Variants in CUX1 observed in about 807,000 individuals in gnomAD.
The protein encoded by CUX1 is protein CASP.
In CUX1, 31 loss-of-function variants were observed where a neutral mutation model predicts 158.8. That is an observed-to-expected ratio of 0.20 (90% CI 0.15 to 0.26). CUX1 has a LOEUF of 0.26. Ranked by LOEUF, CUX1 falls within the 10% of genes least tolerant of loss-of-function variation. The pLI is 1.00. For synonymous variants in CUX1, 879 were observed against 862.1 expected (o/e 1.02, Z -0.34); for missense variants, 1,589 against 2,014.6 (o/e 0.79, Z 4.04).
In CUX1 at chr7:102,256,277, C is replaced by T. The variant is rs1039714592; in HGVS notation, c.*7235C>T. Reference sequence around the variant, plus strand: ...GGACTGACTGCTACTGACCTGCCGGCGTGCGTGAGGGTGATTATAAAAGGA... The same window carrying T: ...GGACTGACTGCTACTGACCTGCCGGTGTGCGTGAGGGTGATTATAAAAGGA... On this transcript the variant is annotated 3_prime_UTR_variant, in exon 24 of 24. Transcript: ENST00000292535. The T allele has an allele frequency of 5.1e-6, 5 of 985,158 alleles. No homozygotes were observed. The highest frequency in any genetic ancestry group is 1.1e-4 in the East Asian group (1 of 8,822). 61.0% of individuals were successfully genotyped at this position (985,158 alleles called of 1,614,324 possible).
At chr7:102,133,780 A>G (rs1455235677) in intron 8 of CUX1, among the ~76,000 whole-genome samples, 2 of 150,710 alleles carry the variant, frequency 1.3e-5, no homozygotes, top group Non-Finnish European at 3.0e-5. Flanking sequence ...CGGCCTAGAA[A>G]ATACATCTTT....
rs1421452381 is a variant in CUX1, at chr7:102,255,048, G to A, written c.*6006G>A. On this transcript the variant is annotated 3_prime_UTR_variant, in exon 24 of 24. Transcript: ENST00000292535. ...GAGGAGGGGGTGTGGGGGGCAGAGCGTAAAACAAGCCCCAGCCCTACTCCC... is the reference window on the plus strand; with the variant it reads ...GAGGAGGGGGTGTGGGGGGCAGAGCATAAAACAAGCCCCAGCCCTACTCCC... The A allele has an allele frequency of 3.5e-5, 34 of 985,454 alleles. No individual in the cohort carries two copies. In the African/African-American group the frequency reaches 4.9e-4, roughly 14 times the overall value. The allele number at this position is 985,454 out of a possible 1,614,324, so 61.0% of individuals were successfully genotyped here. A position where few individuals can be genotyped will look rare whatever the true frequency, so the allele number is the denominator to read the frequency against.
intron 2 of CUX1, chr7:101,961,850 T>C (rs1292319484): frequency 7.9e-6 from 1 of 126,286 alleles, no homozygotes; most frequent in Non-Finnish European, 1.6e-5. Context: ...CACTCCAGTC[T>C]GGGCAACAGA....
chr7:101,969,381 AAAGC>A (rs1811655457), intron 2 of CUX1, among the ~76,000 whole-genome samples: 1 of 151,250 alleles, frequency 6.6e-6, no homozygotes, highest in African/African-American at 2.4e-5. Flanking sequence ...AAAAAAAAAA[AAAGC>A]AGGCACCCAG....
At chr7:102,102,917 G>A (rs1457094478) in intron 5 of CUX1, among the ~76,000 whole-genome samples, 3 of 150,942 alleles carry the variant, frequency 2.0e-5, no homozygotes, top group African/African-American at 7.4e-5. Context: ...TCCAGCATGC[G>A]GAGTGGCATA....
At chr7:101,917,004 C>T (rs1804290369) in intron 2 of CUX1, among the ~76,000 whole-genome samples, 2 of 152,116 alleles carry the variant, frequency 1.3e-5, no homozygotes, top group South Asian at 4.1e-4. Flanking sequence ...CCCCATGGCG[C>T]TCATCCCGCG....
chr7:102,070,951 TC>T lies in CUX1; in HGVS notation c.268+535del, dbSNP rs201634266. On this transcript the variant is annotated intron_variant, in intron 4 of 23. Coordinates refer to ENST00000292535, the MANE Select transcript of CUX1 (RefSeq NM_181552.4). ...TCAGTTGTTTCTTTTATTTTTTTTTTCTAATTTTATTTATTTATTTTTGAGA... is the reference window on the plus strand; with the variant it reads ...TCAGTTGTTTCTTTTATTTTTTTTTTTAATTTTATTTATTTATTTTTGAGA... Among the ~76,000 whole-genome samples the T allele has an allele frequency of 8.8e-4, 132 of 150,018 alleles. 1 individual carries two copies. Among genetic ancestry groups the T allele is most frequent in the South Asian group, 3.8e-3 (18 of 4,726 alleles).
At chr7:101,935,054 C>G (rs1806754076) in intron 2 of CUX1, among the ~76,000 whole-genome samples, 1 of 152,166 alleles carries the variant, frequency 6.6e-6, no homozygotes, top group Admixed American at 6.5e-5. Context: ...GCTAAGCCAT[C>G]ATATCCCCTG....
At position 102,250,386 on chromosome 7, in the gene CUX1, C is replaced by T; in HGVS notation, c.*1344C>T. Reference sequence around the variant, plus strand: ...AGGCACCTCACCTCACACCACTCTCCTGGATACCTGATGAACTGAGCCCTC... The same window carrying T: ...AGGCACCTCACCTCACACCACTCTCTTGGATACCTGATGAACTGAGCCCTC... On this transcript the variant is annotated 3_prime_UTR_variant, in exon 24 of 24. Coordinates refer to ENST00000292535, the MANE Select transcript of CUX1 (RefSeq NM_181552.4). 1 of 985,580 alleles carries T rather than the reference C, an allele frequency of 1.0e-6. No homozygotes were observed. Among genetic ancestry groups the T allele is most frequent in the South Asian group, 4.7e-5 (1 of 21,286 alleles). 61.1% of individuals were successfully genotyped at this position (985,580 alleles called of 1,614,324 possible).
At chr7:102,052,298 T>C (rs1164058517) in intron 3 of CUX1, among the ~76,000 whole-genome samples, 2 of 151,998 alleles carry the variant, frequency 1.3e-5, no homozygotes, top group Admixed American at 6.6e-5. Flanking sequence ...CAACCATGAA[T>C]CCCCCTTCTG....
In CUX1 at chr7:101,838,463, A is replaced by G. The variant is rs757368226; in HGVS notation, c.30+20794A>G. Among the ~76,000 whole-genome samples the G allele has an allele frequency of 5.4e-4, 81 of 151,298 alleles. 2 individuals carry two copies. The highest frequency in any genetic ancestry group is 1.0e-3 in the Non-Finnish European group (70 of 67,858). ...CACAATTTTTGAGATCTTGTTGTCT[A>G]TGTCATTCCCTGTGAATTTTGTTTG... On this transcript the variant is annotated intron_variant, in intron 1 of 23. Coordinates refer to ENST00000292535, the MANE Select transcript of CUX1 (RefSeq NM_181552.4).
At chr7:102,030,333 G>A (rs1820583259) in intron 3 of CUX1, among the ~76,000 whole-genome samples, 1 of 151,972 alleles carries the variant, frequency 6.6e-6, no homozygotes, top group African/African-American at 2.4e-5. Context: ...TCTTTACCCA[G>A]ATCCACAGTT....
chr7:101,904,858 T>C (rs1353794231), intron 1 of CUX1, among the ~76,000 whole-genome samples: 1 of 152,228 alleles, frequency 6.6e-6, no homozygotes, highest in Admixed American at 6.5e-5. Context: ...CGTGAGCCAC[T>C]GCGCCTGGCC....
Position 102,282,888 on chromosome 7 carries a change from C to A in CUX1, c.1967+112C>A, listed in dbSNP as rs1234075950. On this transcript the variant is annotated intron_variant, in intron 22 of 22. Coordinates refer to the CUX1 transcript ENST00000292538. ...CCCACTCCTTAGCCCTCCATCACAG[C>A]CCCCCATTCTGGCCCTCCCCCTACC... The A allele has an allele frequency of 9.8e-6, 9 of 914,224 alleles. No homozygotes were observed. The East Asian group carries it at 2.5e-4, about 25-fold the overall frequency. 56.6% of individuals were successfully genotyped at this position (914,224 alleles called of 1,614,324 possible).
chr7:102,190,727 C>T (rs117264186), intron 12 of CUX1, among the ~76,000 whole-genome samples: 5,159 of 152,192 alleles, frequency 0.034, 119 homozygotes, highest in Middle Eastern at 0.058. Flanking sequence ...CTCAGGGGTT[C>T]CTCCCTGCCC....
exon 18 of CUX1, chr7:102,277,984 G>T: frequency 6.3e-7 from 1 of 1,592,540 alleles, no homozygotes; most frequent in South Asian, 1.1e-5. Flanking sequence ...TCCAGGCCCT[G>T]CAGAGTGAGC....
chr7:102,240,129 A>C (rs1554534435), intron 23 of CUX1, among the ~76,000 whole-genome samples: 1 of 152,168 alleles, frequency 6.6e-6, no homozygotes. Flanking sequence ...AGTTAGAAAC[A>C]GGTGGTATCT....
intron 4 of CUX1, among the ~76,000 whole-genome samples, chr7:102,090,796 A>G (rs1414477012): frequency 6.6e-6 from 1 of 151,896 alleles, no homozygotes; most frequent in Non-Finnish European, 1.5e-5. Flanking sequence ...TTGAGTTGGT[A>G]AATAATAGTA....
At chr7:102,076,353 C>G (rs1482553426) in intron 4 of CUX1, among the ~76,000 whole-genome samples, 2 of 151,686 alleles carry the variant, frequency 1.3e-5, no homozygotes, top group Admixed American at 1.3e-4. Context: ...CTACTGCACT[C>G]CAGCCTGGGT....
Sources: allele counts gnomAD v4.1 joint callset (sites outside exome capture counted in the v4.1 genomes callset), GRCh38; gene constraint gnomAD v4.1.1; transcripts MANE v1.5; gene names NCBI Gene and HGNC (gene_info 2026-07-23, HGNC 2026-07-21).